The following MBTPS1 variants were observed in gnomAD, a reference collection of about 807,000 sequenced individuals.
The protein encoded by MBTPS1 is membrane bound transcription factor peptidase, site 1.
A neutral mutation model predicts 127.8 loss-of-function variants in MBTPS1; 94 were observed. That is an observed-to-expected ratio of 0.74 (90% confidence interval 0.62 to 0.87). MBTPS1 has a LOEUF of 0.87. Among genes scored for constraint, MBTPS1 ranks in the 40% least tolerant of loss-of-function variants. MBTPS1 has a pLI of 0.00. For missense variants in MBTPS1, 1,636 were observed against 1,353.2 expected (o/e 1.21, Z -3.28); for synonymous variants, 632 against 509.4 (o/e 1.24, Z -3.24).
intron 1 of MBTPS1, among the ~76,000 whole-genome samples, chr16:84,105,362 G>A (rs1380035117): frequency 6.6e-6 from 1 of 152,112 alleles, no homozygotes; most frequent in Non-Finnish European, 1.5e-5. Flanking sequence ...TTAAATTTAA[G>A]GACAACTAAA....
chr16:84,098,031 A>AG (rs2086202363), intron 3 of MBTPS1, among the ~76,000 whole-genome samples: 1 of 152,124 alleles, frequency 6.6e-6, no homozygotes, highest in African/African-American at 2.4e-5. Flanking sequence ...TAAGATAAAC[A>AG]GGGAAAAAAA....
At chr16:84,084,029 A>G (rs1311038252) in intron 10 of MBTPS1, among the ~76,000 whole-genome samples, 3 of 152,172 alleles carry the variant, frequency 2.0e-5, no homozygotes, top group Admixed American at 2.0e-4. Context: ...GCACGATCTC[A>G]GTTCACTGCA....
In MBTPS1 at chr16:84,081,817, C is replaced by G; in HGVS notation, c.1378G>C (p.Glu460Gln). 2.0e-6 allele frequency: 3 copies of G among 1,533,230 alleles called. No individual in the cohort carries two copies. The highest frequency in any genetic ancestry group is 2.5e-5 in the South Asian group (2 of 79,694). 95.0% of individuals were successfully genotyped at this position (1,533,230 alleles called of 1,614,324 possible). A position where few individuals can be genotyped will look rare whatever the true frequency, so the allele number is the denominator to read the frequency against. The stretch of plus-strand genomic sequence containing the variant: ...AGATCGAGCTTGCCGTGGCCTTGCT[C>G]AAACATGTTGACCCCGGGGAGCCTC... ...ARRLPGVNMF[E>Q]QGHGKLDLLR... Residue 460 changes from glutamate to glutamine, a missense_variant, in exon 11 of 23, where the codon GAG becomes CAG. Transcript: ENST00000343411.
At chr16:84,091,060 C>A in intron 7 of MBTPS1, 118 bp from the exon 8 acceptor site, 1 of 800,120 alleles carries the variant, frequency 1.2e-6, no homozygotes, top group Non-Finnish European at 2.1e-6. Context: ...CAGCACTGGC[C>A]CATTATAAAG....
chr16:84,060,565 A>T, intron 20 of MBTPS1, 117 bp downstream of exon 20: 1 of 1,218,992 alleles, frequency 8.2e-7, no homozygotes, highest in South Asian at 1.4e-5. Flanking sequence ...TACGAAAACC[A>T]CTCAGCGGCG....
intron 11 of MBTPS1, among the ~76,000 whole-genome samples, chr16:84,077,105 A>G (rs1036100566): frequency 6.6e-6 from 1 of 152,204 alleles, no homozygotes; most frequent in African/African-American, 2.4e-5. Context: ...ATGTACCTGC[A>G]GTCCACCTAC....
intron 21 of MBTPS1, chr16:84,056,384 C>T: frequency 2.6e-6 from 1 of 388,820 alleles, no homozygotes; most frequent in Non-Finnish European, 4.7e-6. Context: ...ATATGACCAG[C>T]AGGAGCCTGT....
intron 1 of MBTPS1, among the ~76,000 whole-genome samples, chr16:84,107,443 C>T (rs1455518584): frequency 1.3e-5 from 2 of 152,096 alleles, no homozygotes; most frequent in African/African-American, 2.4e-5. Flanking sequence ...GTTTGGATCT[C>T]GTGGACTTGC....
chr16:84,091,015 ACCATACACAACGTCT>A, intron 7 of MBTPS1, 73 bp from the exon 8 acceptor site: 10 of 906,654 alleles, frequency 1.1e-5, no homozygotes, highest in African/African-American at 1.7e-5. Flanking sequence ...AAAAAAAAAA[ACCATACACAACGTCT>A]AAAAACAGTT....
chr16:84,101,685 G>A lies in MBTPS1; in HGVS notation c.99C>T (p.Ala33=), dbSNP rs760605069. 1 of 1,614,090 alleles carries A rather than the reference G, an allele frequency of 6.2e-7. No homozygotes were observed. The highest frequency in any genetic ancestry group is 1.1e-5 in the South Asian group (1 of 91,078). Residue 33 remains alanine (A), a synonymous_variant, in exon 2 of 23, where the codon GCC becomes GCT. Coordinates refer to ENST00000343411, the MANE Select transcript of MBTPS1 (RefSeq NM_003791.4). ...TCAGGTGGGAACAGCCAGGGCATGG[G>A]GCCTTTTCAAAAGATTTCTTTTCCA... The part of the protein sequence containing the change: ...DRLEKKSFEK[A]PCPGCSHLTL...
At chr16:84,107,365 G>A (rs1373747725) in intron 1 of MBTPS1, among the ~76,000 whole-genome samples, 1 of 152,172 alleles carries the variant, frequency 6.6e-6, no homozygotes, top group Non-Finnish European at 1.5e-5. Context: ...GCCTTCAAGT[G>A]TAAAAATCCC....
intron 18 of MBTPS1, among the ~76,000 whole-genome samples, chr16:84,064,275 C>T (rs1490834986): frequency 6.6e-6 from 1 of 151,758 alleles, no homozygotes; most frequent in Non-Finnish European, 1.5e-5. Context: ...TGCAGGAATC[C>T]TACTAGGAGC....
intron 11 of MBTPS1, among the ~76,000 whole-genome samples, chr16:84,080,636 G>A (rs2085926945): frequency 6.6e-6 from 1 of 152,240 alleles, no homozygotes; most frequent in African/African-American, 2.4e-5. Flanking sequence ...TAAGCACACA[G>A]GAGGCACCAG....
At chr16:84,079,848 T>C (rs1250093757) in intron 11 of MBTPS1, among the ~76,000 whole-genome samples, 1 of 152,240 alleles carries the variant, frequency 6.6e-6, no homozygotes, top group African/African-American at 2.4e-5. Flanking sequence ...AGCAGTCGTA[T>C]GTGTCTGTGC....
chr16:84,058,073 T>C (rs1038402398), intron 21 of MBTPS1: 1 of 152,184 alleles, frequency 6.6e-6, no homozygotes, highest in Non-Finnish European at 1.5e-5. Context: ...TGGAAACTTA[T>C]CAGAAATGTT....
chr16:84,099,197 G>C lies in MBTPS1; in HGVS notation c.277C>G (p.Pro93Ala). ...DNWRIIPRNN[P>A]SSDYPSDFEV... is the part of the protein sequence containing the mutation. ...AAATCACTAGGGTAGTCACTGGATG[G>C]ATTGTTTCGAGGTATAATTCTCCAA... Residue 93 changes from proline to alanine, a missense_variant, in exon 3 of 23, where the codon CCA becomes GCA. Physicochemically the swap from Pro to Ala is conservative, Grantham distance 27. Coordinates refer to ENST00000343411, the MANE Select transcript of MBTPS1 (RefSeq NM_003791.4). 3 of 1,613,994 alleles carry C rather than the reference G, an allele frequency of 1.9e-6. No homozygotes were observed. The highest frequency in any genetic ancestry group is 4.5e-5 in the East Asian group (2 of 44,880).
chr16:84,085,623 G>C (rs2086011318), intron 9 of MBTPS1, among the ~76,000 whole-genome samples: 2 of 123,954 alleles, frequency 1.6e-5, no homozygotes. Context: ...CTACAATACA[G>C]AAAATAAGCT....
At chr16:84,097,874 G>T (rs2086199792) in intron 3 of MBTPS1, among the ~76,000 whole-genome samples, 1 of 149,464 alleles carries the variant, frequency 6.7e-6, no homozygotes, top group African/African-American at 2.5e-5. Flanking sequence ...GTGTGTGTTT[G>T]TGTGTGTGTT....
In MBTPS1 at chr16:84,060,774, G is replaced by T; in HGVS notation, c.2612C>A (p.Ser871Ter). ...GAGGCTAGGCGGTGTCACCCCATAC[G>T]ATGTGTACTGGAGGAGGGCATCCAG... ...WLLDALLQYT[S>*]YGVTPPSLSH... is the part of the protein sequence containing the mutation. The change falls in exon 20 of 23, where the codon TCG becomes TAG. Residue 871 changes from serine to a stop codon, truncating the protein, a stop_gained. Transcript: ENST00000343411. LOFTEE classifies it high-confidence loss of function. 6.2e-7 allele frequency: 1 copy of T among 1,603,322 alleles called. No individual in the cohort carries two copies. The highest frequency in any genetic ancestry group is 8.5e-7 in the Non-Finnish European group (1 of 1,174,900).
Sources: gnomAD v4.1 joint callset for allele counts (sites outside exome capture counted in the v4.1 genomes callset) on GRCh38, gnomAD v4.1.1 for gene constraint, MANE v1.5 for transcripts, NCBI Gene and HGNC (gene_info 2026-07-23, HGNC 2026-07-21) for gene names.